Variants in GUCY2C observed in about 807,000 individuals in gnomAD.
GUCY2C encodes the protein guanylate cyclase 2C.
In GUCY2C, 118 loss-of-function variants were observed where a neutral mutation model predicts 131.1. The observed-to-expected ratio is 0.90, with a 90% CI of 0.78 to 1.05. The LOEUF is 1.05. Among genes scored for constraint, GUCY2C ranks in the 50% least tolerant of loss-of-function variants. The pLI is 0.00. For missense variants in GUCY2C, 1,161 were observed against 1,304.4 expected, an observed-to-expected ratio of 0.89 and a Z score of 1.69; for synonymous variants, 452 against 457.8, an observed-to-expected ratio of 0.99 and a Z score of 0.16.
intron 18 of GUCY2C, among the ~76,000 whole-genome samples, chr12:14,640,650 T>G (rs1565614215): frequency 6.6e-6 from 1 of 152,062 alleles, no homozygotes; most frequent in Admixed American, 6.5e-5. Flanking sequence ...TAATAAATGC[T>G]CAGTAAGTGA....
Position 14,620,144 on chromosome 12 carries a change from C to T in GUCY2C, c.2777-835G>A, listed in dbSNP as rs142384697. Among the ~76,000 whole-genome samples the T allele has an allele frequency of 4.8e-4, 73 of 152,284 alleles. No homozygotes were observed. In the East Asian group the frequency reaches 0.011, roughly 24 times the overall value. Reference sequence around the variant, plus strand: ...TGATGTTCAAGGCTGTTGAATTAAACTAAGTTTGGCCTGAGGCTGCCTCTT... The same window carrying T: ...TGATGTTCAAGGCTGTTGAATTAAATTAAGTTTGGCCTGAGGCTGCCTCTT... On this transcript the variant is annotated intron_variant, in intron 23 of 26. Transcript: ENST00000261170.
At chr12:14,661,761 C>T (rs2137054787) in intron 10 of GUCY2C, among the ~76,000 whole-genome samples, 1 of 152,280 alleles carries the variant, frequency 6.6e-6, no homozygotes, top group East Asian at 1.9e-4. Context: ...ATACAGAGCA[C>T]ATGCCGGAAG....
At chr12:14,614,414 G>C (rs1399959312) in intron 26 of GUCY2C, 1 of 157,328 alleles carries the variant, frequency 6.4e-6, no homozygotes, top group Non-Finnish European at 1.4e-5. Context: ...ACATAATTTT[G>C]ACAGTTAAAA....
At chr12:14,671,299 G>C (rs566485984) in intron 9 of GUCY2C, among the ~76,000 whole-genome samples, 1 of 151,970 alleles carries the variant, frequency 6.6e-6, no homozygotes, top group Non-Finnish European at 1.5e-5. Flanking sequence ...CACCATGCCC[G>C]GCTAATTTTT....
Position 14,656,495 on chromosome 12 carries a change from G to T in GUCY2C, c.1470+17C>A, listed in dbSNP as rs370818720. ...GCCAAATTGAACCCATTCTTCAACAGGTAAGGTAGGCTTTACCTTGAGGCT... is the reference window on the plus strand; with the variant it reads ...GCCAAATTGAACCCATTCTTCAACATGTAAGGTAGGCTTTACCTTGAGGCT... On this transcript the variant is annotated intron_variant, in intron 12 of 26. Transcript: ENST00000261170. The T allele has an allele frequency of 1.3e-5, 16 of 1,270,210 alleles. No individual in the cohort carries two copies. The African/African-American group carries it at 1.3e-4, about 10-fold the overall frequency. The allele number at this position is 1,270,210 out of a possible 1,614,324, so 78.7% of individuals were successfully genotyped here.
In GUCY2C at chr12:14,621,099, AG is replaced by A. The variant is rs760707019; in HGVS notation, c.2718del (p.Phe907LeufsTer54). On this transcript the variant is annotated frameshift_variant, in exon 23 of 27. Transcript: ENST00000261170. LOFTEE classifies it high-confidence loss of function. ...AGGCCAGGAAGATGCTCCAGCTCAA[AG>A]GTCCCCATGAAGCTGAGGATTTCCA... ...MALEILSFMG[T>X]FELEHLPGLP... 3 of 1,613,850 alleles carry A rather than the reference AG, an allele frequency of 1.9e-6. No homozygotes were observed. Among genetic ancestry groups the A allele is most frequent in the Non-Finnish European group, 2.5e-6 (3 of 1,179,876 alleles).
chr12:14,616,534 G>A lies in GUCY2C; in HGVS notation c.2970+99C>T, dbSNP rs1558795. 0.98 allele frequency: 755,684 copies of A among 769,456 alleles called. 371,383 individuals carry two copies. The highest frequency in any genetic ancestry group is 0.99 in the Non-Finnish European group (416,660 of 419,992). 47.7% of individuals were successfully genotyped at this position (769,456 alleles called of 1,614,324 possible). On this transcript the variant is annotated intron_variant, in intron 25 of 26. Transcript: ENST00000261170. ...GGTGCTCATCGTGATGAGTACAGAA[G>A]AGGATTAGCATGCTCAACTTTCCTG... is the stretch of plus-strand genomic sequence containing the variant.
chr12:14,637,810 G>A (rs1947304399), intron 19 of GUCY2C, among the ~76,000 whole-genome samples: 2 of 152,146 alleles, frequency 1.3e-5, no homozygotes. Context: ...TAGGACATTG[G>A]TTTAGGCAAA....
At chr12:14,633,480 T>G (rs1947197987) in intron 19 of GUCY2C, among the ~76,000 whole-genome samples, 2 of 151,912 alleles carry the variant, frequency 1.3e-5, no homozygotes, top group Admixed American at 1.3e-4. Context: ...TGCACAGATA[T>G]CAACATAAAG....
At position 14,640,462 on chromosome 12, in the gene GUCY2C, C is replaced by CAAA. The variant is rs3083859; in HGVS notation, c.2069-515_2069-513dup. Among the ~76,000 whole-genome samples the CAAA allele has an allele frequency of 5.1e-3, 584 of 114,544 alleles. 6 individuals carry two copies. The highest frequency in any genetic ancestry group is 0.017 in the African/African-American group (533 of 31,014). The allele number at this position is 114,544 out of a possible 152,430, so 75.1% of individuals were successfully genotyped here. ...GGGGTGACAGAGCAAGACACTGTCT[C>CAAA]AAAAAAAAAAAAAAAAAGAAAGAAA... On this transcript the variant is annotated intron_variant, in intron 18 of 26. Coordinates refer to ENST00000261170, the MANE Select transcript of GUCY2C (RefSeq NM_004963.4).
At chr12:14,671,644 G>T (rs1948112738) in intron 9 of GUCY2C, among the ~76,000 whole-genome samples, 1 of 152,096 alleles carries the variant, frequency 6.6e-6, no homozygotes, top group Admixed American at 6.5e-5. Flanking sequence ...ACCCGAATTT[G>T]CTTATAGAGA....
chr12:14,654,654 G>A (rs1314665822), intron 12 of GUCY2C, among the ~76,000 whole-genome samples: 4 of 152,204 alleles, frequency 2.6e-5, no homozygotes, highest in East Asian at 3.9e-4. Context: ...GAAAACATAC[G>A]GTGACACATG....
At chr12:14,652,404 G>C (rs1947681640) in intron 13 of GUCY2C, among the ~76,000 whole-genome samples, 1 of 152,036 alleles carries the variant, frequency 6.6e-6, no homozygotes, top group Non-Finnish European at 1.5e-5. Flanking sequence ...CAAACTTCTG[G>C]CCTCAAATGA....
At chr12:14,654,564 T>C (rs536546259) in intron 12 of GUCY2C, among the ~76,000 whole-genome samples, 10 of 152,336 alleles carry the variant, frequency 6.6e-5, no homozygotes, top group African/African-American at 2.4e-4. Context: ...TCCGATGAAC[T>C]AATCTGTACT....
rs542694223 is a variant in GUCY2C at position 14,696,090 on chromosome 12, T to G, written c.217+142A>C. 500 of 671,058 alleles carry G rather than the reference T, an allele frequency of 7.5e-4. 1 individual carries two copies. Among genetic ancestry groups the G allele is most frequent in the Non-Finnish European group, 1.1e-3 (426 of 378,520 alleles). The allele number at this position is 671,058 out of a possible 1,614,324, so 41.6% of individuals were successfully genotyped here. Reference sequence around the variant, plus strand: ...GTTCAAATTCTTCTCTCTAAGGAGCTACTGTCATGAAATAGAAAGGGGTTT... The same window carrying G: ...GTTCAAATTCTTCTCTCTAAGGAGCGACTGTCATGAAATAGAAAGGGGTTT... On this transcript the variant is annotated intron_variant, in intron 1 of 26. Coordinates refer to ENST00000261170, the MANE Select transcript of GUCY2C (RefSeq NM_004963.4).
At chr12:14,640,107 G>C (rs1195491931) in intron 18 of GUCY2C, among the ~76,000 whole-genome samples, 157 bp from the exon 19 acceptor site, 1 of 152,168 alleles carries the variant, frequency 6.6e-6, no homozygotes, top group Non-Finnish European at 1.5e-5. Context: ...GACAGGTGTT[G>C]ATTCAATGAG....
chr12:14,678,008 G>A (rs909254655), intron 6 of GUCY2C, among the ~76,000 whole-genome samples: 11 of 151,986 alleles, frequency 7.2e-5, no homozygotes, highest in Non-Finnish European at 1.6e-4. Context: ...AGGAGACAAG[G>A]TCTTGCTACA....
At chr12:14,647,853 C>T (rs948248869) in intron 15 of GUCY2C, among the ~76,000 whole-genome samples, 3 of 151,792 alleles carry the variant, frequency 2.0e-5, no homozygotes, top group African/African-American at 7.3e-5. Context: ...TTTCTATACA[C>T]TTATTTTGTT....
chr12:14,666,463 CG>C (rs1251463850), intron 10 of GUCY2C, among the ~76,000 whole-genome samples: 1 of 152,110 alleles, frequency 6.6e-6, no homozygotes, highest in Non-Finnish European at 1.5e-5. Flanking sequence ...GGCTGGGCGC[CG>C]TGGCTCATGC....
Sources: allele counts gnomAD v4.1 joint callset (sites outside exome capture counted in the v4.1 genomes callset), GRCh38; gene constraint gnomAD v4.1.1; transcripts MANE v1.5; gene names NCBI Gene and HGNC (gene_info 2026-07-23, HGNC 2026-07-21).